The following CARMIL1 variants were observed in gnomAD, a reference collection of about 807,000 sequenced individuals.
CARMIL1 encodes the protein F-actin-uncapping protein LRRC16A.
Under a neutral mutation model 177.1 loss-of-function variants are expected in CARMIL1, and 90 were observed. The ratio of observed to expected loss-of-function variants is 0.51; its 90% CI spans 0.43 to 0.61. The LOEUF is 0.61. Among genes scored for constraint, CARMIL1 ranks in the 20% least tolerant of loss-of-function variants. CARMIL1 has a pLI of 0.00. For missense variants in CARMIL1, 1,380 were observed against 1,667.0 expected, an observed-to-expected ratio of 0.83 and a Z score of 3.00; for synonymous variants, 577 against 606.2, an observed-to-expected ratio of 0.95 and a Z score of 0.71.
rs1785118599 is a variant in CARMIL1, at chr6:25,326,543, A to G, written c.138+41634A>G. The stretch of plus-strand genomic sequence containing the variant: ...GTGCTTCTCAATGTGTGGTCTCAGG[A>G]TCAGCCCTATCAGAATGACCTGGAA... On this transcript the variant is annotated intron_variant, in intron 2 of 36. Coordinates refer to ENST00000329474, the MANE Select transcript of CARMIL1 (RefSeq NM_017640.6). The surrounding 1 kb of genome is among the most constrained non-coding windows in gnomAD (Gnocchi z 4.2). 6.6e-6 allele frequency among the ~76,000 whole-genome samples: 1 copy of G among 152,222 alleles called. No homozygotes were observed. The highest frequency in any genetic ancestry group is 1.5e-5 in the Non-Finnish European group (1 of 68,036).
intron 2 of CARMIL1, among the ~76,000 whole-genome samples, chr6:25,338,333 A>G (rs996681758): frequency 1.7e-4 from 26 of 152,292 alleles, no homozygotes; most frequent in Admixed American, 9.2e-4. Context: ...ATACTGAGTC[A>G]TTAATGTTAC....
chr6:25,346,170 A>AT (rs1787493598), intron 2 of CARMIL1, among the ~76,000 whole-genome samples: 2 of 42,664 alleles, frequency 4.7e-5, no homozygotes, highest in African/African-American at 1.7e-4. Context: ...TTCAGAGTAA[A>AT]ACTGAAGTGT....
At chr6:25,379,897 G>A (rs1791360214) in intron 2 of CARMIL1, among the ~76,000 whole-genome samples, 1 of 152,116 alleles carries the variant, frequency 6.6e-6, no homozygotes, top group Non-Finnish European at 1.5e-5. Flanking sequence ...GATGTTGTAT[G>A]TGTGACCCTG....
At chr6:25,416,474 G>T (rs1166453363) in intron 2 of CARMIL1, among the ~76,000 whole-genome samples, 2 of 152,172 alleles carry the variant, frequency 1.3e-5, no homozygotes, top group African/African-American at 4.8e-5. Flanking sequence ...TTCCTTATAG[G>T]GTGCTGTGAG....
Position 25,606,108 on chromosome 6 carries a change from A to G in CARMIL1, c.3682A>G (p.Thr1228Ala). 6.2e-7 allele frequency: 1 copy of G among 1,613,922 alleles called. No individual in the cohort carries two copies. The highest frequency in any genetic ancestry group is 8.5e-7 in the Non-Finnish European group (1 of 1,179,884). ...GLPENRFGLG[T>A]PEKNTKAEPK... Reference sequence around the variant, plus strand: ...TCCAGAGAACCGCTTTGGTTTGGGAACACCAGAAAAGAATACCAAAGCAGA... The same window carrying G: ...TCCAGAGAACCGCTTTGGTTTGGGAGCACCAGAAAAGAATACCAAAGCAGA... Residue 1228 changes from threonine to alanine, a missense_variant, in exon 35 of 37, where the codon ACA (threonine) becomes GCA (alanine). By Grantham distance (58) the Thr-to-Ala change is moderately conservative. Transcript: ENST00000329474.
At chr6:25,451,585 A>G (rs1798931351) in intron 8 of CARMIL1, among the ~76,000 whole-genome samples, 2 of 152,136 alleles carry the variant, frequency 1.3e-5, no homozygotes, top group Non-Finnish European at 2.9e-5. Context: ...TGAGATTCAG[A>G]CCTCAGAGAA....
At chr6:25,480,422 T>C (rs1365944854) in intron 11 of CARMIL1, among the ~76,000 whole-genome samples, 1 of 151,842 alleles carries the variant, frequency 6.6e-6, no homozygotes, top group Admixed American at 6.6e-5. Flanking sequence ...CATTTATCTT[T>C]AGTAATGTTT....
intron 31 of CARMIL1, among the ~76,000 whole-genome samples, chr6:25,593,483 G>A (rs189807560): frequency 8.7e-4 from 132 of 152,274 alleles, no homozygotes; most frequent in African/African-American, 2.3e-3. Flanking sequence ...TAGTTGGAAA[G>A]TATTCAACTG....
chr6:25,294,763 T>C (rs775851023), intron 2 of CARMIL1, among the ~76,000 whole-genome samples: 1 of 152,260 alleles, frequency 6.6e-6, no homozygotes, highest in African/African-American at 2.4e-5. Flanking sequence ...TTCAGACTTA[T>C]CACTATTCTG....
chr6:25,448,327 C>G (rs1798439206), intron 5 of CARMIL1, among the ~76,000 whole-genome samples: 1 of 152,106 alleles, frequency 6.6e-6, no homozygotes, highest in South Asian at 2.1e-4. Context: ...TGCCTTGCTC[C>G]CCAGATTCTT....
At chr6:25,537,729 G>C (rs992064179) in intron 24 of CARMIL1, 126 bp from the exon 25 acceptor site, 1 of 1,097,716 alleles carries the variant, frequency 9.1e-7, no homozygotes, top group Non-Finnish European at 1.3e-6. Context: ...AAGGGTTTGA[G>C]GTTTTCATCC....
At chr6:25,406,167 T>C (rs1444203181) in intron 2 of CARMIL1, among the ~76,000 whole-genome samples, 2 of 152,206 alleles carry the variant, frequency 1.3e-5, no homozygotes, top group South Asian at 2.1e-4. Context: ...TAAGAAAATG[T>C]GCAAATACGG....
intron 2 of CARMIL1, among the ~76,000 whole-genome samples, chr6:25,318,436 A>G (rs1784436940): frequency 6.6e-6 from 1 of 151,820 alleles, no homozygotes; most frequent in Non-Finnish European, 1.5e-5. Flanking sequence ...AGTTTTTGAT[A>G]TTTTTTCTTG....
intron 2 of CARMIL1, among the ~76,000 whole-genome samples, chr6:25,353,705 G>T (rs1329431033): frequency 6.6e-6 from 1 of 151,966 alleles, no homozygotes; most frequent in Non-Finnish European, 1.5e-5. Context: ...CACTTTGTAC[G>T]TTTCTCTTAG....
At chr6:25,350,822 GGT>G (rs2150358124) in intron 2 of CARMIL1, 2 of 152,254 alleles carry the variant, frequency 1.3e-5, no homozygotes, top group East Asian at 3.9e-4. Context: ...TGTAACCTAA[GGT>G]TTAATGATAG....
chr6:25,501,008 C>T (rs1051821542), intron 17 of CARMIL1, among the ~76,000 whole-genome samples: 1 of 151,948 alleles, frequency 6.6e-6, no homozygotes, highest in African/African-American at 2.4e-5. Context: ...ATGATCCACC[C>T]GCCTCAGCCT....
Position 25,581,316 on chromosome 6 carries a change from C to T in CARMIL1, c.2883C>T (p.Leu961=). The T allele has an allele frequency of 6.2e-7, 1 of 1,613,920 alleles. No individual in the cohort carries two copies. The part of the protein sequence containing the change: ...IHIEDPPFPS[L]RQEKRSSGFI... ...TCGAAGACCCGCCCTTCCCATCCCTCAGACAGGAGAAGCGGAGCTCGGGAT... is the reference window on the plus strand; with the variant it reads ...TCGAAGACCCGCCCTTCCCATCCCTTAGACAGGAGAAGCGGAGCTCGGGAT... Residue 961 remains leucine (L), a synonymous_variant, in exon 31 of 37, where the codon CTC becomes CTT. Coordinates refer to ENST00000329474, the MANE Select transcript of CARMIL1 (RefSeq NM_017640.6).
chr6:25,324,097 G>A (rs1784888342), intron 2 of CARMIL1, among the ~76,000 whole-genome samples: 1 of 152,238 alleles, frequency 6.6e-6, no homozygotes, highest in Non-Finnish European at 1.5e-5. Context: ...AGGTAATCAT[G>A]AATTGTGGGA....
intron 34 of CARMIL1, 114 bp downstream of exon 34, chr6:25,605,007 G>A: frequency 1.3e-6 from 1 of 777,528 alleles, no homozygotes. Flanking sequence ...TGATCTCTTT[G>A]TTGTGTGTTC....
Sources: gnomAD v4.1 joint callset for allele counts (sites outside exome capture counted in the v4.1 genomes callset) on GRCh38, gnomAD v4.1.1 for gene constraint, Gnocchi (gnomAD v3.1) non-coding constraint, MANE v1.5 for transcripts, NCBI Gene and HGNC (gene_info 2026-07-23, HGNC 2026-07-21) for gene names.